Variants in STK33 observed in about 807,000 individuals in gnomAD.
STK33 encodes the protein serine/threonine kinase 33, also known as serine/threonine-protein kinase 33.
Under a neutral mutation model 58.0 loss-of-function variants are expected in STK33, and 52 were observed. That is an observed-to-expected ratio of 0.90 (90% CI 0.72 to 1.13). STK33 has a LOEUF of 1.13. Among genes scored for constraint, STK33 ranks in the 50% most tolerant of loss-of-function variants. The pLI, the probability that STK33 is intolerant of heterozygous loss-of-function variation, is 0.00. For missense variants in STK33, 630 were observed against 604.2 expected (o/e 1.04, Z -0.45); for synonymous variants, 215 against 200.1 (o/e 1.07, Z -0.63).
intron 1 of STK33, among the ~76,000 whole-genome samples, chr11:8,498,100 A>T (rs772209504): frequency 6.6e-6 from 1 of 152,232 alleles, no homozygotes; most frequent in Non-Finnish European, 1.5e-5. Flanking sequence ...CAATAATCCA[A>T]CACATTATTA....
the STK33 span, among the ~76,000 whole-genome samples, chr11:8,379,095 AGAACAATGAAACTGGATC>A: frequency 3.0e-3 from 450 of 152,306 alleles, 1 homozygote; most frequent in Non-Finnish European, 4.9e-3. Context: ...AGCCATATGT[AGAACAATGAAACTGGATC>A]CCTATCTCTC....
At position 8,499,615 on chromosome 11, in the gene STK33, T is replaced by C. The variant is rs149260575; in HGVS notation, c.-465-19001A>G. On this transcript the variant is annotated intron_variant, in intron 1 of 15. Transcript: ENST00000687296. ...TAAATCACGCTACTATAAAGACACA[T>C]GCACACGTAGGTTTATTGTGGCACT... Among the ~76,000 whole-genome samples the C allele has an allele frequency of 7.0e-3, 1,061 of 152,296 alleles. 12 individuals carry two copies. The highest frequency in any genetic ancestry group is 0.023 in the African/African-American group (966 of 41,552).
intron 14 of STK33, among the ~76,000 whole-genome samples, chr11:8,434,970 C>T (rs144790296): frequency 3.9e-5 from 6 of 152,240 alleles, no homozygotes; most frequent in African/African-American, 7.2e-5. Context: ...AGGTAATGTT[C>T]GGGTGCAGGG....
the STK33 span, among the ~76,000 whole-genome samples, chr11:8,384,310 G>A: frequency 1.3e-5 from 2 of 152,206 alleles, no homozygotes; most frequent in East Asian, 3.9e-4. Flanking sequence ...TGTCACGTCC[G>A]GATAAGGGCC....
intron 1 of STK33, among the ~76,000 whole-genome samples, chr11:8,522,224 C>T (rs1359233111): frequency 2.6e-5 from 4 of 152,154 alleles, no homozygotes; most frequent in African/African-American, 9.7e-5. Context: ...TGGAACCAAC[C>T]CAAATGTCCA....
intron 1 of STK33, among the ~76,000 whole-genome samples, chr11:8,526,007 C>G (rs570020181): frequency 1.3e-5 from 2 of 152,264 alleles, no homozygotes; most frequent in East Asian, 3.9e-4. Context: ...TAGGATACCA[C>G]TACACACCCA....
chr11:8,489,257 C>CAAAAAAAAA (rs377017514), intron 1 of STK33, among the ~76,000 whole-genome samples: 1 of 64,352 alleles, frequency 1.6e-5, no homozygotes, highest in Non-Finnish European at 2.9e-5. Context: ...AAGCTATCTC[C>CAAAAAAAAA]AAAAAAAAAA....
intron 1 of STK33, among the ~76,000 whole-genome samples, chr11:8,529,931 G>C (rs545562008): frequency 1.3e-5 from 2 of 152,306 alleles, no homozygotes; most frequent in East Asian, 3.9e-4. Flanking sequence ...GTGGTAATTA[G>C]TTACGTGAGC....
At chr11:8,354,551 C>T in the STK33 span, among the ~76,000 whole-genome samples, 1 of 150,148 alleles carries the variant, frequency 6.7e-6, no homozygotes, top group African/African-American at 2.5e-5. Context: ...TCAGCCCCAC[C>T]CAGCTCAAGC....
rs74977055 is a variant in STK33, at chr11:8,459,639, A to G, written c.559-2160T>C. Among the ~76,000 whole-genome samples the G allele has an allele frequency of 3.3e-4, 50 of 152,270 alleles. No individual in the cohort carries two copies. The East Asian group carries it at 9.3e-3, about 28-fold the overall frequency. ...CCACGATTATTCTAGCTTGCTGTCT[A>G]GGGAGTTTCTAGACCACAGAAGAGG... is the stretch of plus-strand genomic sequence containing the variant. On this transcript the variant is annotated intron_variant, in intron 8 of 15. Transcript: ENST00000687296.
chr11:8,362,916 T>TCCCTCCTTTCCTC, the STK33 span, among the ~76,000 whole-genome samples: 2 of 149,070 alleles, frequency 1.3e-5, no homozygotes, highest in Admixed American at 6.7e-5. Flanking sequence ...CTTCCTTCCT[T>TCCCTCCTTTCCTC]CCTCCCTCCT....
At chr11:8,583,250 C>T (rs1054300553) in intron 1 of STK33, among the ~76,000 whole-genome samples, 7 of 152,198 alleles carry the variant, frequency 4.6e-5, no homozygotes, top group Non-Finnish European at 8.8e-5. Flanking sequence ...AACCCCAACA[C>T]ACTCACCTGT....
intron 13 of STK33, 118 bp from the exon 14 acceptor site, chr11:8,435,697 A>G (rs370227074): frequency 3.3e-5 from 17 of 508,612 alleles, no homozygotes; most frequent in African/African-American, 2.9e-4. Flanking sequence ...AGTGTACAAT[A>G]AAAATCATCA....
the STK33 span, among the ~76,000 whole-genome samples, chr11:8,386,048 C>T: frequency 1.3e-5 from 2 of 152,222 alleles, no homozygotes; most frequent in Non-Finnish European, 2.9e-5. Flanking sequence ...GCTGGGATTA[C>T]AGGCGTGAGC....
downstream of STK33, among the ~76,000 whole-genome samples, chr11:8,388,847 C>CCTA (rs990976518): frequency 1.3e-5 from 2 of 152,222 alleles, no homozygotes; most frequent in African/African-American, 4.8e-5. Context: ...GGTATCCTGC[C>CCTA]CTACCTGGGT....
chr11:8,518,118 G>A (rs961379127), intron 1 of STK33, among the ~76,000 whole-genome samples: 2 of 152,204 alleles, frequency 1.3e-5, no homozygotes, highest in Non-Finnish European at 2.9e-5. Flanking sequence ...ACAAAGGGAA[G>A]CCCATCAGAC....
chr11:8,424,438 A>G (rs6578967), intron 14 of STK33, among the ~76,000 whole-genome samples: 84,165 of 147,648 alleles, frequency 0.57, 24,673 homozygotes, highest in South Asian at 0.7. Flanking sequence ...GAATAGTGCC[A>G]CAATAAACAT....
At chr11:8,577,110 T>C (rs894107681) in intron 1 of STK33, among the ~76,000 whole-genome samples, 6 of 152,130 alleles carry the variant, frequency 3.9e-5, no homozygotes, top group African/African-American at 1.4e-4. Flanking sequence ...GTCTAGTAAA[T>C]AGTTAGCAGA....
chr11:8,444,728 A>G (rs1945203410), intron 11 of STK33, among the ~76,000 whole-genome samples: 1 of 152,162 alleles, frequency 6.6e-6, no homozygotes, highest in Admixed American at 6.5e-5. Flanking sequence ...AATTATCAAA[A>G]TGATTCAAGA....
Sources: allele counts gnomAD v4.1 joint callset (sites outside exome capture counted in the v4.1 genomes callset), GRCh38; gene constraint gnomAD v4.1.1; transcripts MANE v1.5; gene names NCBI Gene and HGNC (gene_info 2026-07-23, HGNC 2026-07-21).